The following ZNF385B variants were observed in gnomAD, a reference collection of about 807,000 sequenced individuals.
The protein encoded by ZNF385B is zinc finger protein 533.
Under a neutral mutation model 39.2 loss-of-function variants are expected in ZNF385B, and 23 were observed. The ratio of observed to expected loss-of-function variants is 0.59; its 90% CI spans 0.42 to 0.83. The LOEUF (loss-of-function observed/expected upper bound fraction) is 0.83, where lower values mean the gene tolerates loss of function less well. Ranked by LOEUF, ZNF385B falls within the 40% of genes least tolerant of loss-of-function variation. ZNF385B has a pLI of 0.00. For synonymous variants in ZNF385B, 205 were observed against 222.6 expected (o/e 0.92, Z 0.70); for missense variants, 552 against 598.9 (o/e 0.92, Z 0.82).
intron 3 of ZNF385B, among the ~76,000 whole-genome samples, chr2:179,599,596 G>A (rs1464191572): frequency 2.6e-5 from 4 of 152,142 alleles, no homozygotes; most frequent in Non-Finnish European, 5.9e-5. Flanking sequence ...TTATTTAAAT[G>A]TCATGGCCTT....
At chr2:179,491,589 A>T (rs971514426) in intron 5 of ZNF385B, among the ~76,000 whole-genome samples, 2 of 152,230 alleles carry the variant, frequency 1.3e-5, no homozygotes, top group African/African-American at 4.8e-5. Context: ...TAATTTATAA[A>T]AATATCTAAT....
At chr2:179,829,575 G>C (rs1293399974) in intron 1 of ZNF385B, among the ~76,000 whole-genome samples, 1 of 151,972 alleles carries the variant, frequency 6.6e-6, no homozygotes, top group Non-Finnish European at 1.5e-5. Context: ...GTGCAGTGGT[G>C]CTATCTCGGC....
intron 3 of ZNF385B, among the ~76,000 whole-genome samples, chr2:179,714,401 G>T (rs903610445): frequency 1.3e-5 from 2 of 152,106 alleles, no homozygotes; most frequent in Non-Finnish European, 2.9e-5. Context: ...ATAAGTAGGT[G>T]GTAGAGCTAG....
chr2:179,690,106 T>C (rs977863439), intron 3 of ZNF385B, among the ~76,000 whole-genome samples: 8 of 152,186 alleles, frequency 5.3e-5, no homozygotes, highest in Non-Finnish European at 1.2e-4. Context: ...TATTTGAATA[T>C]ACCATCTGTT....
At chr2:179,731,766 A>C (rs1701408091) in intron 3 of ZNF385B, among the ~76,000 whole-genome samples, 2 of 152,322 alleles carry the variant, frequency 1.3e-5, no homozygotes, top group South Asian at 4.1e-4. Context: ...CCACGTGGGC[A>C]TCATAGCAAG....
Position 179,861,315 on chromosome 2 carries a change from T to G in ZNF385B, c.-369A>C, listed in dbSNP as rs1163339167. 2 of 153,598 alleles carry G rather than the reference T, an allele frequency of 1.3e-5. No homozygotes were observed. The highest frequency in any genetic ancestry group is 2.9e-5 in the Non-Finnish European group (2 of 69,392). 9.5% of individuals were successfully genotyped at this position (153,598 alleles called of 1,614,324 possible). On this transcript the variant is annotated 5_prime_UTR_variant, in exon 1 of 10. Transcript: ENST00000410066. ...CGACAGCTCGGCCCGGCGCGGCCCC[T>G]GAACTGTCCAACTCTTGCCCGCGCC... is the stretch of plus-strand genomic sequence containing the variant.
chr2:179,719,527 A>T (rs981372890), intron 3 of ZNF385B, among the ~76,000 whole-genome samples: 4 of 152,246 alleles, frequency 2.6e-5, no homozygotes, highest in South Asian at 2.1e-4. Context: ...AGCTTCAAGA[A>T]GGGAAAACCA....
intron 3 of ZNF385B, among the ~76,000 whole-genome samples, chr2:179,590,593 T>C (rs1260775750): frequency 6.6e-6 from 1 of 152,200 alleles, no homozygotes; most frequent in Non-Finnish European, 1.5e-5. Flanking sequence ...ATAAATGTTT[T>C]TACCTGACTG....
At chr2:179,781,000 G>A (rs1204723601) in intron 1 of ZNF385B, among the ~76,000 whole-genome samples, 1 of 152,270 alleles carries the variant, frequency 6.6e-6, no homozygotes, top group East Asian at 1.9e-4. Context: ...AGGTAAAATG[G>A]AGCATGTGGT....
intron 3 of ZNF385B, among the ~76,000 whole-genome samples, chr2:179,647,351 A>T (rs560733417): frequency 7.2e-5 from 11 of 152,212 alleles, no homozygotes; most frequent in African/African-American, 9.6e-5. Flanking sequence ...ACAAAATCAA[A>T]CCATGCTATG....
chr2:179,512,807 C>A (rs2057782343), intron 5 of ZNF385B, among the ~76,000 whole-genome samples: 1 of 152,132 alleles, frequency 6.6e-6, no homozygotes, highest in Non-Finnish European at 1.5e-5. Flanking sequence ...TGCTCCCTGG[C>A]AAAGTTAATG....
At chr2:179,562,579 TCTAATTACTATTGAGGATCGTGTTTGCA>T in intron 3 of ZNF385B, 1 of 985,378 alleles carries the variant, frequency 1.0e-6, no homozygotes, top group Non-Finnish European at 1.2e-6. Flanking sequence ...GCCGCTTAGC[TCTAATTACTATTGAGGATCGTGTTTGCA>T]ACTTGATTCC....
chr2:179,856,966 A>G (rs966303671), intron 1 of ZNF385B, among the ~76,000 whole-genome samples: 3 of 152,184 alleles, frequency 2.0e-5, no homozygotes, highest in Admixed American at 6.5e-5. Context: ...AGCATCATCT[A>G]CTGCACCTTG....
At chr2:179,591,267 T>C (rs747550039) in intron 3 of ZNF385B, among the ~76,000 whole-genome samples, 1 of 152,168 alleles carries the variant, frequency 6.6e-6, no homozygotes, top group Non-Finnish European at 1.5e-5. Flanking sequence ...ATCTGTATAG[T>C]GTGGTTTCAA....
intron 4 of ZNF385B, among the ~76,000 whole-genome samples, chr2:179,542,402 T>C (rs1162465656): frequency 6.6e-6 from 1 of 152,198 alleles, no homozygotes; most frequent in African/African-American, 2.4e-5. Flanking sequence ...TGTGGTATTC[T>C]TCACCTTAGC....
chr2:179,485,723 C>T (rs771383856), intron 5 of ZNF385B, among the ~76,000 whole-genome samples: 1 of 152,106 alleles, frequency 6.6e-6, no homozygotes, highest in Non-Finnish European at 1.5e-5. Flanking sequence ...ATGCCACAGT[C>T]TGTTTTTCAG....
intron 4 of ZNF385B, among the ~76,000 whole-genome samples, chr2:179,523,767 C>T (rs973792101): frequency 6.6e-6 from 1 of 152,066 alleles, no homozygotes; most frequent in Admixed American, 6.5e-5. Flanking sequence ...AAAGACCACT[C>T]GAGAATTGTA....
intron 3 of ZNF385B, among the ~76,000 whole-genome samples, chr2:179,653,978 C>A (rs537188610): frequency 1.7e-3 from 253 of 152,228 alleles, no homozygotes; most frequent in Non-Finnish European, 2.8e-3. Context: ...GAAACAAAAA[C>A]AGTTTTAATA....
At chr2:179,623,146 A>G (rs1690358759) in intron 3 of ZNF385B, among the ~76,000 whole-genome samples, 1 of 152,206 alleles carries the variant, frequency 6.6e-6, no homozygotes, top group Admixed American at 6.5e-5. Flanking sequence ...GCATTATTTA[A>G]ACTAGAACAG....
Sources: gnomAD v4.1 joint callset for allele counts (sites outside exome capture counted in the v4.1 genomes callset) on GRCh38, gnomAD v4.1.1 for gene constraint, MANE v1.5 for transcripts, NCBI Gene and HGNC (gene_info 2026-07-23, HGNC 2026-07-21) for gene names.